The following PPL variants were observed in gnomAD, a reference collection of about 807,000 sequenced individuals.
The protein encoded by PPL is 190 kDa paraneoplastic pemphigus antigen.
Under a neutral mutation model 194.4 loss-of-function variants are expected in PPL, and 198 were observed. The observed-to-expected ratio is 1.02, with a 90% CI of 0.91 to 1.15. The LOEUF is 1.15. PPL is among the 50% of genes most tolerant of loss of function. The pLI, the probability that PPL is intolerant of heterozygous loss-of-function variation, is 0.00. For synonymous variants in PPL, 1,220 were observed against 972.4 expected (o/e 1.25, Z -4.74); for missense variants, 2,885 against 2,294.8 (o/e 1.26, Z -5.25).
In PPL at chr16:4,933,778, C is replaced by T. The variant is rs553476553; in HGVS notation, c.62+3206G>A. 1.1e-4 allele frequency among the ~76,000 whole-genome samples: 16 copies of T among 152,314 alleles called. No homozygotes were observed. In the South Asian group the frequency reaches 2.5e-3, roughly 24 times the overall value. On this transcript the variant is annotated intron_variant, in intron 1 of 21. Transcript: ENST00000345988. ...AGGGAGGTTGTCCACGTCTCCTCCA[C>T]GACCACGTGCTAAAACCCAGCAACA...
chr16:4,899,229 C>T lies in PPL; in HGVS notation c.762G>A (p.Gln254=), dbSNP rs1426623703. 3.1e-6 allele frequency: 5 copies of T among 1,613,802 alleles called. No individual in the cohort carries two copies. The African/African-American group carries it at 5.3e-5, about 17-fold the overall frequency. ...CCAGGCCCCCAGAACCCACCTCATA[C>T]TGGCGCCGGCGGCTGGGGTAGTCGA... is the stretch of plus-strand genomic sequence containing the variant. ...RNLDYPSRRR[Q]YENFINRNLE... is the part of the protein sequence containing the mutation. Residue 254 remains glutamine (Q), a synonymous_variant, in exon 7 of 22, where the codon CAG becomes CAA. Coordinates refer to ENST00000345988, the MANE Select transcript of PPL (RefSeq NM_002705.5).
intron 14 of PPL, 125 bp downstream of exon 14, chr16:4,893,088 C>T: frequency 8.0e-7 from 1 of 1,253,424 alleles, no homozygotes; most frequent in Non-Finnish European, 1.1e-6. Flanking sequence ...ATGCAGCAGG[C>T]TGTCCCTGAC....
intron 20 of PPL, 152 bp from the exon 21 acceptor site, chr16:4,887,379 T>C: frequency 3.1e-6 from 2 of 638,492 alleles, no homozygotes; most frequent in South Asian, 3.4e-5. Flanking sequence ...AGTTAGACTG[T>C]AGCCTCACCG....
At chr16:4,893,844 G>C (rs767744522) in intron 12 of PPL, 67 of 574,952 alleles carry the variant, frequency 1.2e-4, no homozygotes, top group Non-Finnish European at 1.6e-4. Flanking sequence ...TCTTTCGTAG[G>C]AAGTCTCACT....
Position 4,933,363 on chromosome 16 carries a change from C to G in PPL, c.62+3621G>C, listed in dbSNP as rs746647113. On this transcript the variant is annotated intron_variant, in intron 1 of 21. Transcript: ENST00000345988. ...CAGGCTGCTGGGTGTTTACTGGGAC[C>G]CAGGTCTGGGTGGAGGGGCAAGATT... Among the ~76,000 whole-genome samples the G allele has an allele frequency of 5.3e-5, 8 of 152,212 alleles. No individual in the cohort carries two copies. The East Asian group carries it at 1.5e-3, about 29-fold the overall frequency.
intron 2 of PPL, 113 bp from the exon 3 acceptor site, chr16:4,904,153 A>C (rs1442980673): frequency 8.7e-7 from 1 of 1,149,342 alleles, no homozygotes. Flanking sequence ...TTTCCCTTTG[A>C]ATAACGTCTT....
chr16:4,928,735 G>A (rs993981758), intron 1 of PPL, among the ~76,000 whole-genome samples: 1 of 152,220 alleles, frequency 6.6e-6, no homozygotes, highest in African/African-American at 2.4e-5. Context: ...ATTTGGCTGG[G>A]AGCAGTGGCT....
At chr16:4,886,927 C>T (rs2088228580) in intron 21 of PPL, among the ~76,000 whole-genome samples, 1 of 152,236 alleles carries the variant, frequency 6.6e-6, no homozygotes, top group Non-Finnish European at 1.5e-5. Context: ...CTGAAAATAG[C>T]ATTCACTTTC....
At position 4,895,678 on chromosome 16, in the gene PPL, G is replaced by A. The variant is rs140231595; in HGVS notation, c.1011C>T (p.Arg337=). ...EDVKDAQELL[R]KVDSDLNQKY... is the part of the protein sequence containing the mutation. ...TCTGGTTCAGGTCCGAGTCCACCTTGCGCAGCAGCTCCTGAGCGTCCTTCA... is the reference window on the plus strand; with the variant it reads ...TCTGGTTCAGGTCCGAGTCCACCTTACGCAGCAGCTCCTGAGCGTCCTTCA... The change falls in exon 10 of 22, where the codon CGC becomes CGT. Residue 337 remains arginine, a synonymous_variant. Coordinates refer to ENST00000345988, the MANE Select transcript of PPL (RefSeq NM_002705.5). 4.2e-4 allele frequency: 681 copies of A among 1,613,890 alleles called. No individual in the cohort carries two copies. The highest frequency in any genetic ancestry group is 5.5e-4 in the Non-Finnish European group (654 of 1,180,024).
intron 1 of PPL, among the ~76,000 whole-genome samples, chr16:4,921,001 C>T (rs763175405): frequency 6.6e-6 from 1 of 152,210 alleles, no homozygotes; most frequent in Non-Finnish European, 1.5e-5. Context: ...ACAGCCCCCT[C>T]AGCCTTGTTG....
At chr16:4,904,489 C>A (rs1018428689) in intron 2 of PPL, among the ~76,000 whole-genome samples, 1 of 152,042 alleles carries the variant, frequency 6.6e-6, no homozygotes, top group African/African-American at 2.4e-5. Context: ...AGAGGTGGAA[C>A]GAGGGGACCT....
intron 1 of PPL, among the ~76,000 whole-genome samples, chr16:4,933,767 C>A (rs1457499382): frequency 6.6e-6 from 1 of 152,216 alleles, no homozygotes; most frequent in African/African-American, 2.4e-5. Flanking sequence ...AGGTTGTCCA[C>A]GTCTCCTCCA....
At chr16:4,936,940 A>C (rs1316006538) in intron 1 of PPL, 44 bp downstream of exon 1, 2 of 1,556,560 alleles carry the variant, frequency 1.3e-6, no homozygotes, top group African/African-American at 1.4e-5. Context: ...GTGCGCCCAC[A>C]GGGGCAAGAG....
At position 4,887,159 on chromosome 16, in the gene PPL, C is replaced by T; in HGVS notation, c.2583G>A (p.Glu861=). The T allele has an allele frequency of 6.2e-7, 1 of 1,614,094 alleles. No individual in the cohort carries two copies. The highest frequency in any genetic ancestry group is 2.2e-5 in the East Asian group (1 of 44,892). ...AINRQRLQNL[E]FALNLLRQQP... ...CCTGTCTGAGGAGATTCAGAGCAAA[C>T]TCCAGATTCTGCAGCCTCTGTCTGT... The change falls in exon 21 of 22, where the codon GAG becomes GAA. Residue 861 remains glutamate (E), a synonymous_variant. Transcript: ENST00000345988.
At position 4,893,727 on chromosome 16, in the gene PPL, C is replaced by T. The variant is rs572144966; in HGVS notation, c.1395-89G>A. ...GGACTGCGGACTCTGGCTGGGCAGA[C>T]ACCCCAGAGGAGCCTGACAGCTCCT... On this transcript the variant is annotated intron_variant, in intron 12 of 21. Coordinates refer to ENST00000345988, the MANE Select transcript of PPL (RefSeq NM_002705.5). 2.8e-3 allele frequency: 3,208 copies of T among 1,131,126 alleles called. 9 individuals are homozygous for T. Among genetic ancestry groups the T allele is most frequent in the Non-Finnish European group, 3.6e-3 (2,845 of 792,654 alleles). The allele number at this position is 1,131,126 out of a possible 1,614,324, so 70.1% of individuals were successfully genotyped here. A position where few individuals can be genotyped will look rare whatever the true frequency, so the allele number is the denominator to read the frequency against.
At chr16:4,917,265 T>G (rs757911111) in intron 1 of PPL, among the ~76,000 whole-genome samples, 1 of 152,204 alleles carries the variant, frequency 6.6e-6, no homozygotes, top group East Asian at 1.9e-4. Flanking sequence ...TGGAAACAAC[T>G]CAAATATTCA....
At chr16:4,888,924 C>T (rs756019554) in intron 19 of PPL, 54 bp downstream of exon 19, 24 of 1,549,316 alleles carry the variant, frequency 1.5e-5, no homozygotes, top group Middle Eastern at 2.3e-4. Flanking sequence ...GACCAGGGCA[C>T]GGTGGAATAA....
intron 1 of PPL, among the ~76,000 whole-genome samples, chr16:4,933,470 T>G (rs1229517567): frequency 6.6e-6 from 1 of 152,154 alleles, no homozygotes; most frequent in Non-Finnish European, 1.5e-5. Context: ...TGAGCCTGAC[T>G]GCAGAGCTGG....
intron 1 of PPL, among the ~76,000 whole-genome samples, chr16:4,931,736 C>G (rs946725519): frequency 6.6e-6 from 1 of 152,176 alleles, no homozygotes; most frequent in Non-Finnish European, 1.5e-5. Flanking sequence ...ACTTCCAGGG[C>G]CTCCCCCAAC....
Sources: gnomAD v4.1 joint callset for allele counts (sites outside exome capture counted in the v4.1 genomes callset) on GRCh38, gnomAD v4.1.1 for gene constraint, MANE v1.5 for transcripts, NCBI Gene and HGNC (gene_info 2026-07-23, HGNC 2026-07-21) for gene names.